The following DLGAP4 variants were observed in gnomAD, a reference collection of about 807,000 sequenced individuals.
DLGAP4 encodes the protein DLG associated protein 4, also known as disks large-associated protein 4.
DLGAP4 carries 18 observed loss-of-function variants against 86.9 expected under a neutral mutation model. That is an observed-to-expected ratio of 0.21 (90% CI 0.14 to 0.31). The LOEUF (loss-of-function observed/expected upper bound fraction) is 0.31, where lower values mean the gene tolerates loss of function less well. Among genes scored for constraint, DLGAP4 ranks in the 10% least tolerant of loss-of-function variants. The pLI, the probability that DLGAP4 is intolerant of heterozygous loss-of-function variation, is 1.00. For synonymous variants in DLGAP4, 548 were observed against 574.3 expected, an observed-to-expected ratio of 0.95 and a Z score of 0.65; for missense variants, 1,085 against 1,362.6, an observed-to-expected ratio of 0.80 and a Z score of 3.21.
chr20:36,513,274 C>T lies in DLGAP4; in HGVS notation c.2513-10976C>T, dbSNP rs111595827. Among the ~76,000 whole-genome samples, 328 of 151,720 alleles carry T rather than the reference C, an allele frequency of 2.2e-3. 2 individuals carry two copies. The highest frequency in any genetic ancestry group is 3.7e-3 in the Non-Finnish European group (248 of 67,924). On this transcript the variant is annotated intron_variant, in intron 10 of 12. Coordinates refer to ENST00000339266, the MANE Select transcript of DLGAP4 (RefSeq NM_001365621.2). ...TTTTAAAGAATTAATCTGGGCCGGG[C>T]GCGGTGGCTCACGCCTGTAATCCCA...
intron 6 of DLGAP4, among the ~76,000 whole-genome samples, chr20:36,445,062 C>G (rs2033554000): frequency 6.6e-6 from 1 of 152,132 alleles, no homozygotes; most frequent in South Asian, 2.1e-4. Context: ...GCTCAAGTTA[C>G]TGGGACTTGA....
At chr20:36,487,200 G>A (rs1177783480) in intron 7 of DLGAP4, among the ~76,000 whole-genome samples, 1 of 152,186 alleles carries the variant, frequency 6.6e-6, no homozygotes, top group African/African-American at 2.4e-5. Flanking sequence ...CTCTGGGAGA[G>A]CAAGGCTGAT....
At chr20:36,331,290 G>C (rs1555891533) in intron 1 of DLGAP4, among the ~76,000 whole-genome samples, 2 of 152,242 alleles carry the variant, frequency 1.3e-5, no homozygotes, top group Admixed American at 6.5e-5. Flanking sequence ...GAGAGGCCAG[G>C]TGGGAGGGCC....
intron 2 of DLGAP4, among the ~76,000 whole-genome samples, chr20:36,404,457 T>C (rs1388185151): frequency 6.6e-6 from 1 of 152,114 alleles, no homozygotes; most frequent in African/African-American, 2.4e-5. Flanking sequence ...GACCACCTCA[T>C]TGTAAAGGAG....
intron 1 of DLGAP4, among the ~76,000 whole-genome samples, chr20:36,342,054 C>T (rs925570825): frequency 1.3e-5 from 2 of 152,142 alleles, no homozygotes; most frequent in Admixed American, 6.5e-5. Flanking sequence ...CCCTGGTGGC[C>T]GGAGTGGAGC....
rs1345018864 is a variant in DLGAP4, at chr20:36,446,970, T to C, written c.1648+33T>C. The C allele has an allele frequency of 3.8e-6, 6 of 1,571,646 alleles. No homozygotes were observed. The South Asian group carries it at 6.9e-5, about 18-fold the overall frequency. ...CTGTGATGAGGGAAGGGGTTTTTTT[T>C]CTTTTCAAGGGGACCCCAAGGACCA... On this transcript the variant is annotated intron_variant, in intron 7 of 12. Coordinates refer to ENST00000339266, the MANE Select transcript of DLGAP4 (RefSeq NM_001365621.2).
chr20:36,484,841 C>T (rs879751334), intron 7 of DLGAP4, among the ~76,000 whole-genome samples: 3 of 152,238 alleles, frequency 2.0e-5, no homozygotes, highest in Non-Finnish European at 2.9e-5. Flanking sequence ...TGCCGCTGCA[C>T]GTGCACCTGC....
rs558927495 is a variant in DLGAP4, at chr20:36,512,172, T to C, written c.2512+11561T>C. On this transcript the variant is annotated intron_variant, in intron 10 of 12. Transcript: ENST00000339266. ...TTCATGCCATTCTCCTGCCTCAGCC[T>C]CCCAAGTAGCTGGGACTACAGGTGC... is the stretch of plus-strand genomic sequence containing the variant. 6.3e-4 allele frequency among the ~76,000 whole-genome samples: 95 copies of C among 149,746 alleles called. 1 individual carries two copies. The highest frequency in any genetic ancestry group is 2.3e-3 in the African/African-American group (93 of 40,740).
chr20:36,383,896 A>C (rs959171150), intron 2 of DLGAP4, among the ~76,000 whole-genome samples: 1 of 151,082 alleles, frequency 6.6e-6, no homozygotes, highest in African/African-American at 2.4e-5. Context: ...AATGGCGTGA[A>C]CCCGGGAGGC....
At chr20:36,494,121 G>A (rs1261174647) in intron 7 of DLGAP4, among the ~76,000 whole-genome samples, 1 of 152,232 alleles carries the variant, frequency 6.6e-6, no homozygotes, top group Non-Finnish European at 1.5e-5. Flanking sequence ...AGATGCAGGT[G>A]TCTGTCTGGG....
At chr20:36,436,463 C>A in intron 4 of DLGAP4, 113 bp downstream of exon 4, 1 of 1,414,468 alleles carries the variant, frequency 7.1e-7, no homozygotes, top group Non-Finnish European at 9.2e-7. Context: ...TGCGTGGGAG[C>A]CACGCCCCCT....
At chr20:36,401,929 G>T (rs991601784) in intron 2 of DLGAP4, among the ~76,000 whole-genome samples, 6 of 152,222 alleles carry the variant, frequency 3.9e-5, no homozygotes, top group African/African-American at 1.4e-4. Context: ...TGCTTGGTGA[G>T]TTGAAGGATC....
At position 36,527,300 on chromosome 20, in the gene DLGAP4, GAT is replaced by G; in HGVS notation, c.*271_*272del. On this transcript the variant is annotated 3_prime_UTR_variant, in exon 13 of 13. Coordinates refer to ENST00000339266, the MANE Select transcript of DLGAP4 (RefSeq NM_001365621.2). ...TCCTCTTGCTGGCCGTGGTGGACTAGATAGATGGACGTCGGCAACTCCCGGCC... is the reference window on the plus strand; with the variant it reads ...TCCTCTTGCTGGCCGTGGTGGACTAGAGATGGACGTCGGCAACTCCCGGCC... 3.1e-6 allele frequency: 1 copy of G among 319,730 alleles called. No individual in the cohort carries two copies. Among genetic ancestry groups the G allele is most frequent in the Admixed American group, 4.6e-5 (1 of 21,806 alleles). The allele number at this position is 319,730 out of a possible 1,614,324, so 19.8% of individuals were successfully genotyped here. A position where few individuals can be genotyped will look rare whatever the true frequency, so the allele number is the denominator to read the frequency against.
intron 2 of DLGAP4, among the ~76,000 whole-genome samples, chr20:36,378,347 C>A (rs1444716245): frequency 6.6e-6 from 1 of 152,164 alleles, no homozygotes; most frequent in African/African-American, 2.4e-5. Context: ...ATGCTAAATG[C>A]ACAACAAATA....
chr20:36,466,646 C>T (rs908540443), intron 7 of DLGAP4, among the ~76,000 whole-genome samples: 3 of 152,218 alleles, frequency 2.0e-5, no homozygotes, highest in Admixed American at 6.5e-5. Flanking sequence ...CCCACCCATT[C>T]TTAGAAACCA....
chr20:36,351,786 T>C (rs1267200839), intron 1 of DLGAP4, among the ~76,000 whole-genome samples: 1 of 152,022 alleles, frequency 6.6e-6, no homozygotes, highest in African/African-American at 2.4e-5. Flanking sequence ...TCGATGGATA[T>C]TTCCTAAGCA....
intron 2 of DLGAP4, among the ~76,000 whole-genome samples, chr20:36,403,857 C>T (rs1439446531): frequency 2.6e-5 from 4 of 152,218 alleles, no homozygotes; most frequent in Non-Finnish European, 4.4e-5. Context: ...TGCTTCCAAG[C>T]TCACTTATAG....
intron 1 of DLGAP4, among the ~76,000 whole-genome samples, chr20:36,331,973 T>C (rs1600405280): frequency 7.4e-6 from 1 of 134,444 alleles, no homozygotes; most frequent in South Asian, 2.5e-4. Context: ...TGGAAAAGAG[T>C]CGGGGGCGGG....
chr20:36,345,517 T>C (rs1338084626), intron 1 of DLGAP4, among the ~76,000 whole-genome samples: 1 of 152,200 alleles, frequency 6.6e-6, no homozygotes, highest in Admixed American at 6.5e-5. Context: ...TCTCAGGCTC[T>C]TCATCTGTGA....
Sources: gnomAD v4.1 joint callset for allele counts (sites outside exome capture counted in the v4.1 genomes callset) on GRCh38, gnomAD v4.1.1 for gene constraint, MANE v1.5 for transcripts, NCBI Gene and HGNC (gene_info 2026-07-23, HGNC 2026-07-21) for gene names.